The following THSD4 variants were observed in gnomAD, a reference collection of about 807,000 sequenced individuals.
The protein encoded by THSD4 is thrombospondin type-1 domain-containing protein 4.
Under a neutral mutation model 119.0 loss-of-function variants are expected in THSD4, and 69 were observed. The observed-to-expected ratio is 0.58, with a 90% CI of 0.48 to 0.71. THSD4 has a LOEUF of 0.71. Ranked by LOEUF, THSD4 falls within the 30% of genes least tolerant of loss-of-function variation. The pLI, the probability that THSD4 is intolerant of heterozygous loss-of-function variation, is 0.00. For missense variants in THSD4, 1,393 were observed against 1,391.1 expected, an observed-to-expected ratio of 1.00 and a Z score of -0.02; for synonymous variants, 524 against 540.4, an observed-to-expected ratio of 0.97 and a Z score of 0.42.
At chr15:71,653,858 A>G (rs1280178693) in intron 7 of THSD4, among the ~76,000 whole-genome samples, 1 of 152,192 alleles carries the variant, frequency 6.6e-6, no homozygotes, top group African/African-American at 2.4e-5. Context: ...AAGTGGGTGT[A>G]TATGATACAG....
intron 7 of THSD4, among the ~76,000 whole-genome samples, chr15:71,641,596 G>C (rs1055491946): frequency 1.3e-5 from 2 of 152,002 alleles, no homozygotes; most frequent in Non-Finnish European, 2.9e-5. Context: ...ATCCTGGAGG[G>C]GTGTGATTCC....
chr15:71,453,756 T>C (rs2140590425), intron 7 of THSD4, among the ~76,000 whole-genome samples: 2 of 152,300 alleles, frequency 1.3e-5, no homozygotes, highest in Middle Eastern at 6.8e-3. Flanking sequence ...ATTTAATGAA[T>C]AGGTACATGT....
chr15:71,434,210 G>A (rs60975019), intron 7 of THSD4, among the ~76,000 whole-genome samples: 12,699 of 152,062 alleles, frequency 0.084, 554 homozygotes, highest in African/African-American at 0.11. Context: ...GAGTATTTAC[G>A]TATTTCTAAA....
intron 7 of THSD4, among the ~76,000 whole-genome samples, chr15:71,572,952 G>A (rs1337378837): frequency 6.6e-6 from 1 of 152,172 alleles, no homozygotes; most frequent in African/African-American, 2.4e-5. Flanking sequence ...GCCAGGAGCT[G>A]TTCCTGGAGA....
chr15:71,405,097 T>A (rs2046587830), intron 6 of THSD4, among the ~76,000 whole-genome samples: 2 of 152,074 alleles, frequency 1.3e-5, no homozygotes, highest in Admixed American at 1.3e-4. Context: ...CCATGTTGGC[T>A]AGGATGGTCT....
chr15:71,748,656 A>G (rs1595915027), intron 14 of THSD4, 62 bp downstream of exon 14: 19 of 1,577,622 alleles, frequency 1.2e-5, no homozygotes, highest in Middle Eastern at 1.8e-4. Context: ...CCAAAACCAC[A>G]CAAAGATGAG....
chr15:71,353,903 C>A (rs2045775960), intron 6 of THSD4, among the ~76,000 whole-genome samples: 1 of 152,162 alleles, frequency 6.6e-6, no homozygotes, highest in African/African-American at 2.4e-5. Context: ...AAGGTTATTA[C>A]ACGTATGAGT....
At chr15:71,447,184 G>A (rs916295732) in intron 7 of THSD4, among the ~76,000 whole-genome samples, 10 of 134,622 alleles carry the variant, frequency 7.4e-5, no homozygotes, top group Non-Finnish European at 9.2e-5. Flanking sequence ...GCAGTGATGC[G>A]ATCACGGCTC....
chr15:71,485,393 TA>T (rs2047799611), intron 7 of THSD4, among the ~76,000 whole-genome samples: 1 of 152,232 alleles, frequency 6.6e-6, no homozygotes, highest in Admixed American at 6.5e-5. Flanking sequence ...TTCTGTGATT[TA>T]TTTTCCTTTC....
intron 14 of THSD4, among the ~76,000 whole-genome samples, chr15:71,753,895 G>A (rs2141186055): frequency 6.6e-6 from 1 of 152,246 alleles, no homozygotes; most frequent in Middle Eastern, 3.4e-3. Flanking sequence ...CACTGGCATG[G>A]TCCTTCATAT....
intron 6 of THSD4, among the ~76,000 whole-genome samples, chr15:71,374,658 G>A (rs981568828): frequency 3.9e-5 from 6 of 152,198 alleles, no homozygotes; most frequent in Admixed American, 1.3e-4. Flanking sequence ...GTGAGCAATG[G>A]CCCTGACCTT....
At chr15:71,320,254 C>T (rs978066740) in intron 6 of THSD4, among the ~76,000 whole-genome samples, 1 of 152,176 alleles carries the variant, frequency 6.6e-6, no homozygotes, top group Non-Finnish European at 1.5e-5. Context: ...TATTGCCTTA[C>T]ATTTTATATA....
intron 7 of THSD4, among the ~76,000 whole-genome samples, chr15:71,611,136 G>A (rs551600157): frequency 2.0e-4 from 31 of 152,320 alleles, no homozygotes; most frequent in Middle Eastern, 3.4e-3. Flanking sequence ...GGCCTGAGCC[G>A]TGATTATGCC....
intron 2 of THSD4, among the ~76,000 whole-genome samples, chr15:71,145,469 A>G (rs2040648489): frequency 6.6e-6 from 1 of 152,144 alleles, no homozygotes; most frequent in African/African-American, 2.4e-5. Flanking sequence ...GTCTTCTGAA[A>G]CGTAAAGTTT....
chr15:71,324,231 T>C (rs935915664), intron 6 of THSD4, among the ~76,000 whole-genome samples: 2 of 152,288 alleles, frequency 1.3e-5, no homozygotes, highest in African/African-American at 4.8e-5. Context: ...GTTTGGCCCT[T>C]TGACAACGCA....
intron 4 of THSD4, among the ~76,000 whole-genome samples, chr15:71,237,271 A>G (rs759804685): frequency 6.6e-6 from 1 of 152,246 alleles, no homozygotes; most frequent in Non-Finnish European, 1.5e-5. Flanking sequence ...CATCATCATC[A>G]TCTGAGAACT....
chr15:71,525,028 C>A (rs1228903716), intron 7 of THSD4, among the ~76,000 whole-genome samples: 1 of 151,176 alleles, frequency 6.6e-6, no homozygotes, highest in African/African-American at 2.4e-5. Flanking sequence ...TCTTCCTGGA[C>A]TCTTCAATCT....
chr15:71,198,826 A>G (rs1260975723), intron 3 of THSD4, among the ~76,000 whole-genome samples: 3 of 152,208 alleles, frequency 2.0e-5, no homozygotes, highest in Non-Finnish European at 1.5e-5. Context: ...ATAAAACTTC[A>G]CATATAACCC....
intron 6 of THSD4, among the ~76,000 whole-genome samples, chr15:71,324,028 C>G (rs899855718): frequency 1.3e-5 from 2 of 152,180 alleles, no homozygotes; most frequent in African/African-American, 4.8e-5. Flanking sequence ...GTGAGTGATT[C>G]TACTACAGCA....
Sources: gnomAD v4.1 joint callset for allele counts (sites outside exome capture counted in the v4.1 genomes callset) on GRCh38, gnomAD v4.1.1 for gene constraint, MANE v1.5 for transcripts, NCBI Gene and HGNC (gene_info 2026-07-23, HGNC 2026-07-21) for gene names.